Variants in MAGI3 observed in about 807,000 individuals in gnomAD.
MAGI3 encodes membrane-associated guanylate kinase, WW and PDZ domain-containing protein 3.
MAGI3 carries 43 observed loss-of-function variants against 121.8 expected under a neutral mutation model. The observed-to-expected ratio is 0.35, with a 90% CI of 0.28 to 0.46. MAGI3 has a LOEUF of 0.46. Among genes scored for constraint, MAGI3 ranks in the 20% least tolerant of loss-of-function variants. MAGI3 has a pLI of 1.00. For missense variants in MAGI3, 1,547 were observed against 1,797.3 expected (o/e 0.86, Z 2.52); for synonymous variants, 553 against 639.3 (o/e 0.86, Z 2.04).
intron 1 of MAGI3, among the ~76,000 whole-genome samples, chr1:113,538,873 A>C (rs1405801858): frequency 2.0e-5 from 3 of 152,222 alleles, no homozygotes; most frequent in Non-Finnish European, 4.4e-5. Flanking sequence ...CAGCTGACCA[A>C]AGAAAAGCCT....
At chr1:113,509,858 G>A (rs528728813) in intron 1 of MAGI3, among the ~76,000 whole-genome samples, 14 of 146,230 alleles carry the variant, frequency 9.6e-5, no homozygotes, top group African/African-American at 3.6e-4. Context: ...TGTGGGGTTT[G>A]TCTTCCGAGC....
intron 1 of MAGI3, among the ~76,000 whole-genome samples, chr1:113,428,086 C>T (rs745893605): frequency 2.0e-5 from 3 of 152,130 alleles, no homozygotes; most frequent in Non-Finnish European, 4.4e-5. Context: ...TTTTTCCTCA[C>T]TCTGGCTTGC....
intron 2 of MAGI3, among the ~76,000 whole-genome samples, chr1:113,573,445 G>A (rs1021350007): frequency 7.2e-5 from 11 of 152,008 alleles, no homozygotes; most frequent in African/African-American, 1.9e-4. Flanking sequence ...CCTTAATTTC[G>A]TTATTTACCC....
At chr1:113,577,002 G>A (rs1159802156) in intron 2 of MAGI3, 5 of 152,176 alleles carry the variant, frequency 3.3e-5, no homozygotes, top group African/African-American at 7.2e-5. Flanking sequence ...TTCATACGAG[G>A]TTGCAAAAGT....
At chr1:113,553,542 T>C (rs939746864) in intron 2 of MAGI3, among the ~76,000 whole-genome samples, 4 of 152,124 alleles carry the variant, frequency 2.6e-5, no homozygotes, top group Non-Finnish European at 5.9e-5. Context: ...GGTGGAAGAA[T>C]CCCATAAGGG....
chr1:113,599,788 A>G (rs1292192006), intron 6 of MAGI3, among the ~76,000 whole-genome samples: 1 of 151,716 alleles, frequency 6.6e-6, no homozygotes, highest in East Asian at 1.9e-4. Flanking sequence ...TTTTAGACCA[A>G]TATCCTTGAT....
At chr1:113,535,517 C>T (rs187418744) in intron 1 of MAGI3, among the ~76,000 whole-genome samples, 4 of 152,086 alleles carry the variant, frequency 2.6e-5, no homozygotes, top group East Asian at 1.9e-4. Flanking sequence ...GTTGAAGACA[C>T]GTTTCATTAT....
At chr1:113,616,727 CTT>C (rs1456314257) in intron 7 of MAGI3, among the ~76,000 whole-genome samples, 6 of 151,878 alleles carry the variant, frequency 4.0e-5, no homozygotes, top group Non-Finnish European at 8.8e-5. Context: ...CATTACATGT[CTT>C]TTTAAAATTA....
In MAGI3 at chr1:113,579,306, G is replaced by A. The variant is rs531355479; in HGVS notation, c.434-1236G>A. ...GATGAGTAGAAGTTAGCTGAGGTGA[G>A]AGTGGGAAAGGGAGTAGGAAGTCCT... On this transcript the variant is annotated intron_variant, in intron 2 of 20. Transcript: ENST00000307546. Among the ~76,000 whole-genome samples the A allele has an allele frequency of 3.3e-5, 5 of 152,290 alleles. No individual in the cohort carries two copies. In the South Asian group the frequency reaches 1.0e-3, roughly 32 times the overall value.
chr1:113,524,427 G>A (rs1658360253), intron 1 of MAGI3, among the ~76,000 whole-genome samples: 1 of 152,144 alleles, frequency 6.6e-6, no homozygotes, highest in South Asian at 2.1e-4. Flanking sequence ...ACCCTGCAAA[G>A]CCACAGGGAC....
At chr1:113,534,313 T>C (rs1057164486) in intron 1 of MAGI3, among the ~76,000 whole-genome samples, 1 of 152,242 alleles carries the variant, frequency 6.6e-6, no homozygotes, top group Non-Finnish European at 1.5e-5. Context: ...GTAAAATATT[T>C]AGTGACTTCA....
At chr1:113,566,385 A>T (rs1410113921) in intron 2 of MAGI3, among the ~76,000 whole-genome samples, 1 of 152,178 alleles carries the variant, frequency 6.6e-6, no homozygotes, top group South Asian at 2.1e-4. Context: ...CATACAGTAG[A>T]ATACCAACTG....
chr1:113,620,884 C>A (rs576953666), intron 8 of MAGI3, among the ~76,000 whole-genome samples: 1 of 152,250 alleles, frequency 6.6e-6, no homozygotes, highest in South Asian at 2.1e-4. Context: ...TGGTACCCAC[C>A]TTTTAAGGTG....
intron 1 of MAGI3, among the ~76,000 whole-genome samples, chr1:113,439,104 A>G (rs1014909812): frequency 1.3e-5 from 2 of 152,206 alleles, no homozygotes; most frequent in African/African-American, 4.8e-5. Flanking sequence ...TTTATCTGAT[A>G]AGAGAGCAAG....
chr1:113,659,316 G>C, intron 16 of MAGI3, 51 bp downstream of exon 16: 1 of 1,581,964 alleles, frequency 6.3e-7, no homozygotes, highest in Non-Finnish European at 8.6e-7. Context: ...GAGGCACAAA[G>C]CCTGTGTGAG....
intron 1 of MAGI3, among the ~76,000 whole-genome samples, chr1:113,516,215 C>T (rs1226358348): frequency 6.6e-6 from 1 of 151,810 alleles, no homozygotes; most frequent in South Asian, 2.1e-4. Flanking sequence ...GGTCTAGAAG[C>T]AGTGACTGCT....
intron 2 of MAGI3, among the ~76,000 whole-genome samples, chr1:113,556,772 C>A (rs1246447678): frequency 6.6e-6 from 1 of 151,860 alleles, no homozygotes; most frequent in Non-Finnish European, 1.5e-5. Context: ...TGCTATGTTG[C>A]CTAGGCTGGT....
At chr1:113,615,354 C>A (rs544328754) in intron 7 of MAGI3, among the ~76,000 whole-genome samples, 37 of 152,252 alleles carry the variant, frequency 2.4e-4, no homozygotes, top group Non-Finnish European at 4.9e-4. Flanking sequence ...TGACCTCAAG[C>A]GTCTAGCAGC....
chr1:113,460,460 C>G (rs1170380020), intron 1 of MAGI3, among the ~76,000 whole-genome samples: 2 of 152,142 alleles, frequency 1.3e-5, no homozygotes, highest in African/African-American at 4.8e-5. Context: ...GGCACCCATA[C>G]AGGAAGAGAG....
Sources: gnomAD v4.1 joint callset for allele counts (sites outside exome capture counted in the v4.1 genomes callset) on GRCh38, gnomAD v4.1.1 for gene constraint, MANE v1.5 for transcripts, NCBI Gene and HGNC (gene_info 2026-07-23, HGNC 2026-07-21) for gene names.